Variants in SLC24A2 observed in about 807,000 individuals in gnomAD.
SLC24A2 encodes solute carrier family 24 member 2.
Under a neutral mutation model 62.0 loss-of-function variants are expected in SLC24A2, and 36 were observed. The observed-to-expected ratio is 0.58, with a 90% CI of 0.44 to 0.77. The LOEUF (loss-of-function observed/expected upper bound fraction) is 0.77, where lower values mean the gene tolerates loss of function less well. Ranked by LOEUF, SLC24A2 falls within the 30% of genes least tolerant of loss-of-function variation. SLC24A2 has a pLI of 0.00. For synonymous variants in SLC24A2, 358 were observed against 294.0 expected (o/e 1.22, Z -2.23); for missense variants, 846 against 817.9 (o/e 1.03, Z -0.42).
At chr9:19,587,644 C>A (rs1012518245) in intron 5 of SLC24A2, among the ~76,000 whole-genome samples, 2 of 148,008 alleles carry the variant, frequency 1.4e-5, no homozygotes, top group African/African-American at 5.2e-5. Context: ...CCAAGTATAA[C>A]AAATTCCCAC....
chr9:19,735,660 A>G (rs1199846098), intron 2 of SLC24A2, among the ~76,000 whole-genome samples: 2 of 152,222 alleles, frequency 1.3e-5, no homozygotes. Flanking sequence ...CATATACACC[A>G]TGGAATACTA....
intron 2 of SLC24A2, among the ~76,000 whole-genome samples, chr9:19,641,338 CA>C (rs1164582102): frequency 6.6e-6 from 1 of 152,190 alleles, no homozygotes; most frequent in Non-Finnish European, 1.5e-5. Context: ...CATGCATATC[CA>C]ATTCCAATTG....
the SLC24A2 span, among the ~76,000 whole-genome samples, chr9:20,027,365 C>T: frequency 2.0e-5 from 3 of 152,104 alleles, no homozygotes; most frequent in Admixed American, 2.0e-4. Context: ...TTTACTGCAG[C>T]ATTATTCACA....
chr9:20,059,135 G>A, the SLC24A2 span, among the ~76,000 whole-genome samples: 3 of 152,256 alleles, frequency 2.0e-5, no homozygotes, highest in East Asian at 3.9e-4. Context: ...GGTAAAAAGG[G>A]ACTTTACAGA....
the SLC24A2 span, among the ~76,000 whole-genome samples, chr9:19,848,338 G>A: frequency 2.6e-5 from 4 of 152,034 alleles, no homozygotes. Flanking sequence ...AAAATGAGTG[G>A]GTTCAAAGTT....
the SLC24A2 span, among the ~76,000 whole-genome samples, chr9:19,985,783 T>G: frequency 6.6e-6 from 1 of 152,180 alleles, no homozygotes; most frequent in South Asian, 2.1e-4. Flanking sequence ...AAGTAAAAAG[T>G]GAACCAATGA....
the SLC24A2 span, among the ~76,000 whole-genome samples, chr9:20,248,127 C>A: frequency 1.3e-5 from 2 of 152,160 alleles, no homozygotes; most frequent in East Asian, 3.8e-4. Context: ...CTCTGAGATA[C>A]AGTTTCTGAT....
At chr9:20,075,308 A>G in the SLC24A2 span, among the ~76,000 whole-genome samples, 4 of 152,212 alleles carry the variant, frequency 2.6e-5, no homozygotes, top group African/African-American at 9.6e-5. Flanking sequence ...TGATAGGATT[A>G]TTACCTCCAT....
At chr9:19,854,595 T>C in the SLC24A2 span, among the ~76,000 whole-genome samples, 19 of 152,204 alleles carry the variant, frequency 1.2e-4, 1 homozygote, top group Non-Finnish European at 1.0e-4. Flanking sequence ...TTCCATGTAG[T>C]TGTGTGGTTT....
the SLC24A2 span, among the ~76,000 whole-genome samples, chr9:20,264,543 C>T: frequency 1.3e-5 from 2 of 152,198 alleles, no homozygotes; most frequent in African/African-American, 4.8e-5. Context: ...GTATCAAACA[C>T]AATTGGCATT....
intron 2 of SLC24A2, among the ~76,000 whole-genome samples, chr9:19,741,109 G>T (rs960385048): frequency 2.0e-5 from 3 of 152,116 alleles, no homozygotes; most frequent in Non-Finnish European, 4.4e-5. Flanking sequence ...GCACTTAAAG[G>T]TTTGGTTTCT....
chr9:19,562,462 A>G (rs1835451011), intron 7 of SLC24A2, among the ~76,000 whole-genome samples: 1 of 152,208 alleles, frequency 6.6e-6, no homozygotes, highest in African/African-American at 2.4e-5. Context: ...CAGCGAATAT[A>G]TAATTCTTTG....
Position 19,622,119 on chromosome 9 carries a change from A to T in SLC24A2, c.969+142T>A, listed in dbSNP as rs565472946. On this transcript the variant is annotated intron_variant, in intron 3 of 10. Coordinates refer to ENST00000341998, the MANE Select transcript of SLC24A2 (RefSeq NM_020344.4). ...ATCACTAATTGTAGCACGGAGTAGA[A>T]GTACACATCAGGGGTTAGATTATTT... 5.1e-5 allele frequency: 36 copies of T among 706,390 alleles called. No homozygotes were observed. The South Asian group carries it at 5.2e-4, about 10-fold the overall frequency. 43.8% of individuals were successfully genotyped at this position (706,390 alleles called of 1,614,324 possible). A position where few individuals can be genotyped will look rare whatever the true frequency, so the allele number is the denominator to read the frequency against.
the SLC24A2 span, among the ~76,000 whole-genome samples, chr9:19,939,541 G>C: frequency 6.6e-6 from 1 of 152,212 alleles, no homozygotes; most frequent in Non-Finnish European, 1.5e-5. Context: ...GGACTGGAAG[G>C]TGCTCTGGGT....
At chr9:19,627,652 A>G (rs1364622568) in intron 2 of SLC24A2, among the ~76,000 whole-genome samples, 2 of 152,220 alleles carry the variant, frequency 1.3e-5, no homozygotes, top group East Asian at 3.9e-4. Context: ...CAGCCTCCCA[A>G]GTAGTTGGGT....
chr9:19,646,908 T>A (rs1298013523), intron 2 of SLC24A2, among the ~76,000 whole-genome samples: 1 of 152,100 alleles, frequency 6.6e-6, no homozygotes, highest in East Asian at 1.9e-4. Flanking sequence ...TTTAGTTACA[T>A]TACTTAACTG....
the SLC24A2 span, among the ~76,000 whole-genome samples, chr9:20,210,483 G>GT: frequency 3.3e-3 from 498 of 149,912 alleles, 4 homozygotes; most frequent in African/African-American, 8.2e-3. Flanking sequence ...TTTTGTTTTT[G>GT]TTTTTTTTTG....
chr9:19,557,431 A>G (rs1835151710), intron 7 of SLC24A2, among the ~76,000 whole-genome samples: 1 of 152,210 alleles, frequency 6.6e-6, no homozygotes, highest in Non-Finnish European at 1.5e-5. Flanking sequence ...ATCCTGGGGC[A>G]GAGGGCGAGA....
the SLC24A2 span, among the ~76,000 whole-genome samples, chr9:20,152,701 G>A: frequency 6.6e-6 from 1 of 151,820 alleles, no homozygotes; most frequent in East Asian, 1.9e-4. Flanking sequence ...GCTTAAGAAA[G>A]CAAGTACACC....
Sources: allele counts gnomAD v4.1 joint callset (sites outside exome capture counted in the v4.1 genomes callset), GRCh38; gene constraint gnomAD v4.1.1; transcripts MANE v1.5; gene names NCBI Gene and HGNC (gene_info 2026-07-23, HGNC 2026-07-21).